Variants in NHS observed in about 807,000 individuals in gnomAD.
NHS encodes NHS actin remodeling regulator.
In NHS, 5 loss-of-function variants were observed where a neutral mutation model predicts 72.5. The observed-to-expected ratio is 0.07, with a 90% CI of 0.04 to 0.14. The LOEUF (loss-of-function observed/expected upper bound fraction) is 0.14. Among genes scored for constraint, NHS ranks in the 10% least tolerant of loss-of-function variants. NHS has a pLI of 1.00. For synonymous variants in NHS, 464 were observed against 547.7 expected (o/e 0.85, Z 2.13); for missense variants, 1,072 against 1,355.7 (o/e 0.79, Z 3.29).
intron 1 of NHS, among the ~76,000 whole-genome samples, chrX:17,597,116 G>GT (rs59820959): frequency 0.046 from 3,787 of 83,153 alleles, 181 homozygotes; most frequent in African/African-American, 0.08. Flanking sequence ...CTATTCTTCC[G>GT]TTTTTTTTTT....
intron 1 of NHS, among the ~76,000 whole-genome samples, chrX:17,655,411 G>C (rs2065948721): frequency 1.8e-5 from 2 of 112,556 alleles, no homozygotes; most frequent in African/African-American, 6.5e-5. Context: ...ATCCGGATCC[G>C]GGATCCTCCG....
At chrX:17,672,804 C>T (rs1390455055) in intron 1 of NHS, among the ~76,000 whole-genome samples, 1 of 112,592 alleles carries the variant, frequency 8.9e-6, no homozygotes, top group Non-Finnish European at 1.9e-5. Flanking sequence ...TTTTGTCCTA[C>T]CTGGAAGTAA....
chrX:17,664,337 G>A (rs1190454641), intron 1 of NHS, among the ~76,000 whole-genome samples: 1 of 111,600 alleles, frequency 9.0e-6, no homozygotes, highest in Non-Finnish European at 1.9e-5. Context: ...TTATGTTTAG[G>A]TCTATGGTCC....
chrX:17,709,068 T>C (rs1044347586), intron 3 of NHS, among the ~76,000 whole-genome samples: 5 of 111,165 alleles, frequency 4.5e-5, no homozygotes, highest in South Asian at 7.7e-4. Flanking sequence ...AGGTATAAGA[T>C]TGCAGAAGTG....
At chrX:17,385,301 C>T (rs888717496) in intron 1 of NHS, among the ~76,000 whole-genome samples, 1 of 111,210 alleles carries the variant, frequency 9.0e-6, no homozygotes, top group African/African-American at 3.3e-5. Context: ...ATTGCTTGAA[C>T]CCAGGAGTTC....
rs189395677 is a variant in NHS, at chrX:17,493,427, T to G, written c.565+117105T>G. ...ACATACCTGATGCTGCATTAGTTAT[T>G]TATTCATTTCCACATCTATTTTCAG... is the stretch of plus-strand genomic sequence containing the variant. On this transcript the variant is annotated intron_variant, in intron 1 of 8. Coordinates refer to ENST00000676302, the MANE Select transcript of NHS (RefSeq NM_001291867.2). Among the ~76,000 whole-genome samples the G allele has an allele frequency of 6.2e-5, 7 of 112,159 alleles. No individual in the cohort carries two copies. The Admixed American group carries it at 6.6e-4, about 11-fold the overall frequency.
intron 1 of NHS, among the ~76,000 whole-genome samples, chrX:17,422,985 C>T (rs1490445677): frequency 8.9e-6 from 1 of 112,087 alleles, no homozygotes; most frequent in Non-Finnish European, 1.9e-5. Context: ...CACTAGCAGT[C>T]TGAATCTCCA....
At chrX:17,437,139 T>C (rs1056874971) in intron 1 of NHS, among the ~76,000 whole-genome samples, 1 of 111,453 alleles carries the variant, frequency 9.0e-6, no homozygotes, top group Admixed American at 9.5e-5. Context: ...CTGCCTGAGG[T>C]ACAGGTGAGA....
chrX:17,663,615 T>C (rs1176035425), intron 1 of NHS, among the ~76,000 whole-genome samples: 1 of 112,557 alleles, frequency 8.9e-6, no homozygotes, highest in Non-Finnish European at 1.9e-5. Context: ...TACCATACTT[T>C]ATTCATTGAC....
intron 3 of NHS, among the ~76,000 whole-genome samples, chrX:17,710,263 T>C (rs762593738): frequency 8.9e-6 from 1 of 112,602 alleles, no homozygotes; most frequent in African/African-American, 3.2e-5. Context: ...CTGTGAGAAA[T>C]AGAGAAAACT....
chrX:17,705,656 G>C, intron 3 of NHS: 1 of 113,021 alleles, frequency 8.8e-6, no homozygotes, highest in Non-Finnish European at 1.9e-5. Flanking sequence ...AATGAGCCAA[G>C]GTTCTTATGA....
intron 1 of NHS, among the ~76,000 whole-genome samples, chrX:17,429,266 G>A (rs1337738254): frequency 9.1e-6 from 1 of 110,353 alleles, no homozygotes; most frequent in African/African-American, 3.3e-5. Flanking sequence ...GTGCACACGT[G>A]CGCGCGCGCT....
chrX:17,643,634 G>A lies in NHS; in HGVS notation c.566-44108G>A, dbSNP rs1404797553. Among the ~76,000 whole-genome samples the A allele has an allele frequency of 3.6e-5, 4 of 112,098 alleles. No individual in the cohort carries two copies. In the Admixed American group the frequency reaches 3.8e-4, roughly 11 times the overall value. ...TGTCTTGAAAAAAGGGAGGGGCATG[G>A]TAGGTAAAGCCTGTTACCTTCACTT... On this transcript the variant is annotated intron_variant, in intron 1 of 8. Coordinates refer to ENST00000676302, the MANE Select transcript of NHS (RefSeq NM_001291867.2).
At chrX:17,380,765 T>C (rs1286950434) in intron 1 of NHS, among the ~76,000 whole-genome samples, 1 of 111,768 alleles carries the variant, frequency 8.9e-6, no homozygotes, top group Non-Finnish European at 1.9e-5. Context: ...ATTTTAGGCA[T>C]GTTCAGATTC....
chrX:17,657,249 G>T (rs2065961263), intron 1 of NHS, among the ~76,000 whole-genome samples: 1 of 112,958 alleles, frequency 8.9e-6, no homozygotes, highest in Non-Finnish European at 1.9e-5. Flanking sequence ...CCCCTGCGGG[G>T]AAGACTCAGC....
chrX:17,479,385 G>A (rs1045464372), intron 1 of NHS, among the ~76,000 whole-genome samples: 3 of 112,378 alleles, frequency 2.7e-5, no homozygotes, highest in African/African-American at 9.7e-5. Context: ...TGTCTTTATA[G>A]TAGAGTGATT....
At chrX:17,429,249 TG>T (rs1243986095) in intron 1 of NHS, among the ~76,000 whole-genome samples, 14 of 107,201 alleles carry the variant, frequency 1.3e-4, no homozygotes, top group African/African-American at 4.9e-4. Context: ...TGTGTGTGTG[TG>T]TGTGTGTGCA....
At chrX:17,582,530 T>C (rs1410751337) in intron 1 of NHS, among the ~76,000 whole-genome samples, 1 of 111,943 alleles carries the variant, frequency 8.9e-6, no homozygotes, top group Non-Finnish European at 1.9e-5. Flanking sequence ...TCTGGTGGCT[T>C]TGAGAAGAGA....
intron 1 of NHS, among the ~76,000 whole-genome samples, chrX:17,541,814 A>ACACACG (rs1368534775): frequency 3.7e-5 from 4 of 106,891 alleles, no homozygotes; most frequent in African/African-American, 1.4e-4. Context: ...ACACACACAC[A>ACACACG]CTTTAGCCAA....
Sources: allele counts gnomAD v4.1 joint callset (sites outside exome capture counted in the v4.1 genomes callset), GRCh38; gene constraint gnomAD v4.1.1; transcripts MANE v1.5; gene names NCBI Gene and HGNC (gene_info 2026-07-23, HGNC 2026-07-21).